The following CCDC34 variants were observed in gnomAD, a reference collection of about 807,000 sequenced individuals.
CCDC34 encodes the protein coiled-coil domain-containing protein 34.
A neutral mutation model predicts 44.1 loss-of-function variants in CCDC34; 40 were observed. The ratio of observed to expected loss-of-function variants is 0.91; its 90% CI spans 0.70 to 1.18. The LOEUF (loss-of-function observed/expected upper bound fraction) is 1.18, where lower values mean the gene tolerates loss of function less well. Among genes scored for constraint, CCDC34 ranks in the 50% most tolerant of loss-of-function variants. The probability of loss-of-function intolerance (pLI) is 0.00; values close to 1 mark genes in which losing one functional copy is unlikely to be tolerated. For missense variants in CCDC34, 466 were observed against 452.3 expected (o/e 1.03, Z -0.28); for synonymous variants, 159 against 158.2 (o/e 1.01, Z -0.04).
chr11:27,358,280 A>G (rs976741381), intron 1 of CCDC34, among the ~76,000 whole-genome samples: 5 of 152,186 alleles, frequency 3.3e-5, no homozygotes, highest in Admixed American at 6.5e-5. Context: ...GGAAATAAGT[A>G]TATACATAAA....
intron 3 of CCDC34, among the ~76,000 whole-genome samples, chr11:27,347,956 C>T (rs1194327999): frequency 6.6e-6 from 1 of 151,916 alleles, no homozygotes; most frequent in Non-Finnish European, 1.5e-5. Flanking sequence ...GAAGTGTGAA[C>T]AGAATGCCTT....
chr11:27,346,477 AG>A (rs1862437086), intron 3 of CCDC34, among the ~76,000 whole-genome samples: 1 of 103,434 alleles, frequency 9.7e-6, no homozygotes, highest in African/African-American at 5.5e-5. Context: ...AGAGGAAAGA[AG>A]GAAGGAAGGA....
intron 5 of CCDC34, among the ~76,000 whole-genome samples, chr11:27,339,871 T>C (rs993034825): frequency 1.3e-5 from 2 of 152,166 alleles, no homozygotes; most frequent in Non-Finnish European, 2.9e-5. Flanking sequence ...CACCTAAACT[T>C]TTAACTTTAC....
chr11:27,344,802 A>G (rs73444177), intron 3 of CCDC34, among the ~76,000 whole-genome samples: 13,409 of 152,108 alleles, frequency 0.088, 962 homozygotes, highest in African/African-American at 0.2. Context: ...CAATAGTGCC[A>G]AGCACTATTA....
chr11:27,360,703 G>A (rs1403743117), intron 1 of CCDC34, among the ~76,000 whole-genome samples: 1 of 152,208 alleles, frequency 6.6e-6, no homozygotes, highest in Non-Finnish European at 1.5e-5. Flanking sequence ...TCCCAAACCT[G>A]AACACCAGAA....
intron 1 of CCDC34, among the ~76,000 whole-genome samples, chr11:27,362,274 T>C (rs899523823): frequency 6.6e-6 from 1 of 152,220 alleles, no homozygotes; most frequent in Non-Finnish European, 1.5e-5. Flanking sequence ...CTAACATTGA[T>C]ACAATGACAT....
At chr11:27,345,534 T>C (rs1242784057) in intron 3 of CCDC34, among the ~76,000 whole-genome samples, 1 of 152,122 alleles carries the variant, frequency 6.6e-6, no homozygotes, top group Admixed American at 6.5e-5. Flanking sequence ...GAACATGCGA[T>C]GTTTGGTTTT....
Position 27,357,655 on chromosome 11 carries a change from AT to A in CCDC34, c.360-115del, listed in dbSNP as rs1443145861. On this transcript the variant is annotated intron_variant, in intron 1 of 5. Coordinates refer to ENST00000328697, the MANE Select transcript of CCDC34 (RefSeq NM_030771.2). ...TTAATAGTGTATTTTCAATATTGTG[AT>A]TTTTACAAATATACAGGAATTATAC... is the stretch of plus-strand genomic sequence containing the variant. 1.1e-5 allele frequency: 9 copies of A among 809,848 alleles called. No homozygotes were observed. In the African/African-American group the frequency reaches 1.5e-4, roughly 14 times the overall value. The allele number at this position is 809,848 out of a possible 1,614,324, so 50.2% of individuals were successfully genotyped here. A position where few individuals can be genotyped will look rare whatever the true frequency, so the allele number is the denominator to read the frequency against.
intron 1 of CCDC34, among the ~76,000 whole-genome samples, chr11:27,361,424 T>C (rs1862662865): frequency 6.6e-6 from 1 of 152,242 alleles, no homozygotes; most frequent in Admixed American, 6.5e-5. Context: ...CAGAAAGTAT[T>C]TCCTAAAGCC....
At chr11:27,357,592 C>G (rs1862598319) in intron 1 of CCDC34, 51 bp from the exon 2 acceptor site, 2 of 1,575,164 alleles carry the variant, frequency 1.3e-6, no homozygotes, top group Non-Finnish European at 1.7e-6. Context: ...CTTTTGCTTC[C>G]TAGTCCAAAT....
In CCDC34 at chr11:27,342,507, T is replaced by C. The variant is rs1433267499; in HGVS notation, c.607-957A>G. On this transcript the variant is annotated intron_variant, in intron 3 of 5. Transcript: ENST00000328697. ...AATAATGCTCATTAAACACTGTATG[T>C]AAGGGCACATCCAGGCAAATCTCTG... Among the ~76,000 whole-genome samples the C allele has an allele frequency of 5.3e-5, 8 of 152,174 alleles. No homozygotes were observed. The East Asian group carries it at 1.5e-3, about 29-fold the overall frequency.
At chr11:27,341,606 G>A in intron 3 of CCDC34, 56 bp from the exon 4 acceptor site, 1 of 765,118 alleles carries the variant, frequency 1.3e-6, no homozygotes. Context: ...ACTCATCTAA[G>A]GAAAGACTGC....
chr11:27,340,574 C>G (rs1862340825), intron 5 of CCDC34, 122 bp downstream of exon 5: 1 of 991,760 alleles, frequency 1.0e-6, no homozygotes, highest in African/African-American at 1.7e-5. Context: ...ATAATATAAT[C>G]TTCTGGAAAA....
At chr11:27,355,336 T>C (rs59110939) in intron 2 of CCDC34, among the ~76,000 whole-genome samples, 1 of 152,122 alleles carries the variant, frequency 6.6e-6, no homozygotes, top group South Asian at 2.1e-4. Context: ...TACATATATA[T>C]AGAGAGATAT....
chr11:27,339,559 C>T (rs945222732), intron 5 of CCDC34, among the ~76,000 whole-genome samples: 1 of 152,134 alleles, frequency 6.6e-6, no homozygotes, highest in African/African-American at 2.4e-5. Flanking sequence ...AGTTACGGAG[C>T]ATTCTTTTGC....
chr11:27,346,116 T>TA (rs1862428963), intron 3 of CCDC34, among the ~76,000 whole-genome samples: 1 of 151,912 alleles, frequency 6.6e-6, no homozygotes, highest in Non-Finnish European at 1.5e-5. Flanking sequence ...AACTTCTCTT[T>TA]AAAAAATACC....
At chr11:27,360,726 C>T (rs1428101100) in intron 1 of CCDC34, among the ~76,000 whole-genome samples, 1 of 152,234 alleles carries the variant, frequency 6.6e-6, no homozygotes, top group South Asian at 2.1e-4. Context: ...TGGTTTACTG[C>T]ACCTTAGTAG....
chr11:27,345,011 T>C (rs889173256), intron 3 of CCDC34, among the ~76,000 whole-genome samples: 2 of 152,146 alleles, frequency 1.3e-5, no homozygotes, highest in South Asian at 2.1e-4. Flanking sequence ...ATCAATAGAA[T>C]AGACTAGAAT....
chr11:27,350,119 G>A lies in CCDC34; in HGVS notation c.606+213C>T, dbSNP rs1052957358. 20 of 1,413,508 alleles carry A rather than the reference G, an allele frequency of 1.4e-5. No homozygotes were observed. In the Admixed American group the frequency reaches 5.9e-4, roughly 42 times the overall value. The allele number at this position is 1,413,508 out of a possible 1,614,324, so 87.6% of individuals were successfully genotyped here. On this transcript the variant is annotated intron_variant, in intron 3 of 5. Coordinates refer to ENST00000328697, the MANE Select transcript of CCDC34 (RefSeq NM_030771.2). ...GGTGACTGCCTGCAGGCAAATATTA[G>A]TGCAAGCCACAGGAGGGAAAAAGGA...
Sources: allele counts gnomAD v4.1 joint callset (sites outside exome capture counted in the v4.1 genomes callset), GRCh38; gene constraint gnomAD v4.1.1; transcripts MANE v1.5; gene names NCBI Gene and HGNC (gene_info 2026-07-23, HGNC 2026-07-21).